The following APC variants were observed in gnomAD, a reference collection of about 807,000 sequenced individuals.
APC encodes the protein APC regulator of Wnt signaling pathway, also known as adenomatous polyposis coli protein.
Under a neutral mutation model 247.0 loss-of-function variants are expected in APC, and 72 were observed. The ratio of observed to expected loss-of-function variants is 0.29; its 90% confidence interval spans 0.24 to 0.35. APC has a LOEUF of 0.35. Ranked by LOEUF, APC falls within the 10% of genes least tolerant of loss-of-function variation. APC has a pLI of 1.00. For missense variants in APC, 3,400 were observed against 3,360.7 expected, an observed-to-expected ratio of 1.01 and a Z score of -0.29; for synonymous variants, 1,254 against 1,162.5, an observed-to-expected ratio of 1.08 and a Z score of -1.60.
At position 112,840,978 on chromosome 5, in the gene APC, C is replaced by T. The variant is rs1554086694; in HGVS notation, c.5384C>T (p.Ser1795Leu). Residue 1795 changes from serine to leucine, a missense_variant, in exon 16 of 16, where the codon TCA becomes TTA. This residue lies in a region of APC where 1,788 missense variants were observed against 1,649.5 expected (regional missense o/e 1.08). Transcript: ENST00000257430. This position sits in a 1 kb window ranked among gnomAD's most constrained non-coding sequence, Gnocchi z 4.1. ...YRTRVRKNAD[S>L]KNNLNAERVF... ...ACACGTGTAAGAAAAAATGCAGACT[C>T]AAAAAATAATTTAAATGCTGAGAGA... 6.2e-7 allele frequency: 1 copy of T among 1,612,462 alleles called. No homozygotes were observed. Among genetic ancestry groups the T allele is most frequent in the South Asian group, 1.1e-5 (1 of 90,924 alleles).
chr5:112,709,435 G>A (rs6894351), intron 1 of APC, among the ~76,000 whole-genome samples: 82,433 of 151,954 alleles, frequency 0.54, 22,833 homozygotes, highest in East Asian at 0.81. Flanking sequence ...TCACTTTTCT[G>A]GAACCAGAGC....
At chr5:112,769,647 T>C (rs1756805816) in intron 4 of APC, among the ~76,000 whole-genome samples, 1 of 152,234 alleles carries the variant, frequency 6.6e-6, no homozygotes, top group South Asian at 2.1e-4. Flanking sequence ...ATATTATCTC[T>C]GTGACCTTGG....
upstream of APC, among the ~76,000 whole-genome samples, chr5:112,733,560 A>C (rs1752202727): frequency 6.6e-6 from 1 of 152,204 alleles, no homozygotes; most frequent in Non-Finnish European, 1.5e-5. Flanking sequence ...GATCTGTAGA[A>C]GCCAGAAAGG....
At chr5:112,734,957 A>G (rs963258529), upstream of APC, among the ~76,000 whole-genome samples, 1 of 152,004 alleles carries the variant, frequency 6.6e-6, no homozygotes, top group Non-Finnish European at 1.5e-5. Context: ...TAAGAATCCT[A>G]TTAATCCTAT....
rs773617726 is a variant in APC, at chr5:112,839,253, C to T, written c.3659C>T (p.Thr1220Ile). The change falls in exon 16 of 16, where the codon ACA (threonine) becomes ATA (isoleucine). Residue 1220 changes from threonine to isoleucine, a missense_variant. This residue lies in a region of APC where 715 missense variants were observed against 656.6 expected (regional missense o/e 1.09). Coordinates refer to ENST00000257430, the MANE Select transcript of APC (RefSeq NM_000038.6). The surrounding 1 kb of genome is among the most constrained non-coding windows in gnomAD (Gnocchi z 5.0). ...TCTTCAAGCAGTGAGAATACGTCCA[C>T]ACCTTCATCTAATGCCAAGAGGCAG... The part of the protein sequence containing the change: ...HMSSSSENTS[T>I]PSSNAKRQNQ... 13 of 1,614,086 alleles carry T rather than the reference C, an allele frequency of 8.1e-6. No homozygotes were observed. Among genetic ancestry groups the T allele is most frequent in the Non-Finnish European group, 1.1e-5 (13 of 1,180,052 alleles).
chr5:112,818,655 C>G (rs940167139), intron 9 of APC, among the ~76,000 whole-genome samples: 2 of 152,028 alleles, frequency 1.3e-5, no homozygotes, highest in Non-Finnish European at 2.9e-5. Flanking sequence ...TGGATTAGCA[C>G]CAACTTATCT....
At chr5:112,793,214 C>T (rs900285427) in intron 7 of APC, among the ~76,000 whole-genome samples, 3 of 152,136 alleles carry the variant, frequency 2.0e-5, no homozygotes, top group African/African-American at 7.2e-5. Context: ...AGAGCTTTCT[C>T]CTCTGAAGAG....
Position 112,841,306 on chromosome 5 carries a change from A to G in APC, c.5712A>G (p.Gln1904=), listed in dbSNP as rs755851369. ...VTSHTELTSN[Q]QSANKTQAIA... ...GCCACACAGAACTAACCTCCAACCA[A>G]CAATCAGCTAATAAGACACAAGCTA... The change falls in exon 16 of 16, where the codon CAA becomes CAG. Residue 1904 remains glutamine, a synonymous_variant. Coordinates refer to ENST00000257430, the MANE Select transcript of APC (RefSeq NM_000038.6). The surrounding 1 kb of genome is among the most constrained non-coding windows in gnomAD (Gnocchi z 4.6). 3.1e-6 allele frequency: 5 copies of G among 1,613,914 alleles called. No individual in the cohort carries two copies. In the African/African-American group the frequency reaches 4.0e-5, roughly 13 times the overall value.
rs1580666638 is a variant in APC, at chr5:112,841,601, C to G, written c.6007C>G (p.Gln2003Glu). The change falls in exon 16 of 16, where the codon CAA becomes GAA. Residue 2003 changes from glutamine (Q) to glutamate (E), a missense_variant. By Grantham distance (29) the Gln-to-Glu change is conservative. This residue lies in a region of APC where 1,788 missense variants were observed against 1,649.5 expected (regional missense o/e 1.08). Transcript: ENST00000257430. This position sits in a 1 kb window ranked among gnomAD's most constrained non-coding sequence, Gnocchi z 4.6. ...PDSQGEPSKP[Q>E]ASGYAPKSFH... ...CTCACAGGGAGAACCAAGTAAACCT[C>G]AAGCATCAGGCTATGCTCCTAAATC... The G allele has an allele frequency of 6.2e-7, 1 of 1,613,544 alleles. No homozygotes were observed. Among genetic ancestry groups the G allele is most frequent in the African/African-American group, 1.3e-5 (1 of 75,012 alleles).
chr5:112,792,595 T>C (rs1342859657), intron 7 of APC, 66 bp downstream of exon 7: 8 of 1,182,792 alleles, frequency 6.8e-6, no homozygotes, highest in African/African-American at 3.0e-5. Flanking sequence ...AAAGAAAACA[T>C]GTATAATTTA....
rs587780602 is a variant in APC at position 112,841,945 on chromosome 5, AGCT to A, written c.6363_6365del (p.Ala2122del). Reference sequence around the variant, plus strand: ...ATTCCATAGTAAGTAGTTTACATCAAGCTGCTGCTGCTGCATGTTTATCTAGAC... The same window carrying A: ...ATTCCATAGTAAGTAGTTTACATCAAGCTGCTGCTGCATGTTTATCTAGAC... On this transcript the variant is annotated inframe_deletion, in exon 16 of 16. Coordinates refer to ENST00000257430, the MANE Select transcript of APC (RefSeq NM_000038.6). This position sits in a 1 kb window ranked among gnomAD's most constrained non-coding sequence, Gnocchi z 4.6. 9 of 1,613,780 alleles carry A rather than the reference AGCT, an allele frequency of 5.6e-6. No individual in the cohort carries two copies. Among genetic ancestry groups the A allele is most frequent in the African/African-American group, 1.3e-5 (1 of 74,914 alleles).
intron 4 of APC, among the ~76,000 whole-genome samples, chr5:112,771,160 T>C (rs771742384): frequency 5.9e-5 from 9 of 152,178 alleles, no homozygotes; most frequent in Non-Finnish European, 1.0e-4. Flanking sequence ...TCATACTCTT[T>C]GTGCTGTTTA....
upstream of APC, chr5:112,737,741 C>A (rs766814193): frequency 3.9e-5 from 28 of 717,406 alleles, no homozygotes; most frequent in African/African-American, 5.0e-4. Flanking sequence ...GAGTGCGGGT[C>A]GGGAAGCGGA....
At chr5:112,767,772 A>G (rs2149791279) in intron 4 of APC, among the ~76,000 whole-genome samples, 1 of 152,230 alleles carries the variant, frequency 6.6e-6, no homozygotes, top group East Asian at 1.9e-4. Context: ...CTGAAACTAT[A>G]GACGCCTACC....
intron 2 of APC, among the ~76,000 whole-genome samples, chr5:112,762,239 G>A (rs185849704): frequency 6.6e-6 from 1 of 152,218 alleles, no homozygotes; most frequent in Non-Finnish European, 1.5e-5. Flanking sequence ...CAAATGTGGA[G>A]CATTGGAATG....
chr5:112,786,975 C>G (rs577783327), intron 6 of APC, among the ~76,000 whole-genome samples: 30 of 149,548 alleles, frequency 2.0e-4, no homozygotes, highest in Non-Finnish European at 3.8e-4. Context: ...GCAACCTCCG[C>G]CTCTAAGGTT....
chr5:112,831,444 A>C (rs948265429), intron 14 of APC, among the ~76,000 whole-genome samples: 1 of 152,236 alleles, frequency 6.6e-6, no homozygotes, highest in Non-Finnish European at 1.5e-5. Context: ...TATAATATCC[A>C]GTTCTGATTT....
intron 7 of APC, among the ~76,000 whole-genome samples, chr5:112,799,543 T>C (rs1391839576): frequency 6.6e-6 from 1 of 152,108 alleles, no homozygotes; most frequent in Non-Finnish European, 1.5e-5. Context: ...AACTGGTCTT[T>C]CCTATGTTTC....
intron 9 of APC, 76 bp from the exon 10 acceptor site, chr5:112,818,890 C>T (rs1192889734): frequency 1.4e-6 from 2 of 1,455,578 alleles, no homozygotes; most frequent in Non-Finnish European, 1.9e-6. Flanking sequence ...GTAAATATCC[C>T]ATTCATCACT....
Sources: allele counts gnomAD v4.1 joint callset (sites outside exome capture counted in the v4.1 genomes callset), GRCh38; gene constraint gnomAD v4.1.1; regional missense constraint gnomAD v4.1.1; non-coding constraint Gnocchi (gnomAD v3.1); transcripts MANE v1.5; gene names NCBI Gene and HGNC (gene_info 2026-07-23, HGNC 2026-07-21).